The following TGFBR3 variants were observed in gnomAD, a reference collection of about 807,000 sequenced individuals.
TGFBR3 encodes the protein transforming growth factor beta receptor type 3.
TGFBR3 carries 46 observed loss-of-function variants against 87.9 expected under a neutral mutation model. The observed-to-expected ratio is 0.52, with a 90% CI of 0.41 to 0.67. The LOEUF (loss-of-function observed/expected upper bound fraction) is 0.67. Ranked by LOEUF, TGFBR3 falls within the 30% of genes least tolerant of loss-of-function variation. The pLI is 0.00. For synonymous variants in TGFBR3, 381 were observed against 391.6 expected (o/e 0.97, Z 0.32); for missense variants, 866 against 1,041.9 (o/e 0.83, Z 2.32).
At chr1:91,688,802 G>A (rs1484950371) in intron 16 of TGFBR3, among the ~76,000 whole-genome samples, 2 of 152,022 alleles carry the variant, frequency 1.3e-5, no homozygotes, top group African/African-American at 2.4e-5. Flanking sequence ...GAAGTAGCTC[G>A]GGAGGTGCCA....
chr1:91,789,545 C>G (rs994069715), intron 3 of TGFBR3, among the ~76,000 whole-genome samples: 1 of 152,236 alleles, frequency 6.6e-6, no homozygotes, highest in African/African-American at 2.4e-5. Context: ...GACCAACCTG[C>G]ATCTTGGTAG....
At chr1:91,741,524 A>G (rs1169278247) in intron 4 of TGFBR3, among the ~76,000 whole-genome samples, 4 of 152,122 alleles carry the variant, frequency 2.6e-5, no homozygotes, top group Non-Finnish European at 5.9e-5. Context: ...GATTAAGTCA[A>G]TCTCCAGCCC....
intron 2 of TGFBR3, among the ~76,000 whole-genome samples, chr1:91,809,595 A>G (rs17881988): frequency 6.6e-6 from 1 of 152,218 alleles, no homozygotes; most frequent in African/African-American, 2.4e-5. Context: ...AAATATTGTT[A>G]ATTACAGCCA....
chr1:91,830,690 C>A (rs1676826551), intron 2 of TGFBR3, among the ~76,000 whole-genome samples: 1 of 152,002 alleles, frequency 6.6e-6, no homozygotes, highest in Non-Finnish European at 1.5e-5. Context: ...GGTCCAATAC[C>A]CCACCCCTGA....
intron 4 of TGFBR3, among the ~76,000 whole-genome samples, chr1:91,741,530 A>G (rs1571462430): frequency 6.6e-6 from 1 of 152,268 alleles, no homozygotes; most frequent in Non-Finnish European, 1.5e-5. Flanking sequence ...GTCAATCTCC[A>G]GCCCTTCTCC....
chr1:91,689,672 A>T (rs1671205016), intron 16 of TGFBR3, among the ~76,000 whole-genome samples: 2 of 152,166 alleles, frequency 1.3e-5, no homozygotes, highest in Non-Finnish European at 2.9e-5. Flanking sequence ...GAACAGGAAG[A>T]AAAGAGTGAA....
intron 14 of TGFBR3, among the ~76,000 whole-genome samples, chr1:91,700,688 A>G (rs1473379299): frequency 6.6e-6 from 1 of 152,226 alleles, no homozygotes; most frequent in East Asian, 1.9e-4. Context: ...TAATTACGCT[A>G]ACTACAGAAT....
At chr1:91,708,505 T>TA (rs1232583821) in intron 14 of TGFBR3, among the ~76,000 whole-genome samples, 158 bp downstream of exon 14, 1 of 152,190 alleles carries the variant, frequency 6.6e-6, no homozygotes, top group Non-Finnish European at 1.5e-5. Flanking sequence ...GAGAACCAGC[T>TA]AAAGAAAAGA....
rs148107447 is a variant in TGFBR3 at position 91,720,736 on chromosome 1, T to C, written c.1076-506A>G. Among the ~76,000 whole-genome samples, 53 of 152,360 alleles carry C rather than the reference T, an allele frequency of 3.5e-4. No individual in the cohort carries two copies. In the East Asian group the frequency reaches 9.8e-3, roughly 28 times the overall value. ...AGAAAAATCTGTGATTTAAGTTACATGATGCAATATTATTCCATTGAAATG... is the reference window on the plus strand; with the variant it reads ...AGAAAAATCTGTGATTTAAGTTACACGATGCAATATTATTCCATTGAAATG... On this transcript the variant is annotated intron_variant, in intron 8 of 16. Coordinates refer to ENST00000212355, the MANE Select transcript of TGFBR3 (RefSeq NM_003243.5).
chr1:91,814,597 AAATTAATATT>A (rs1676150102), intron 2 of TGFBR3, among the ~76,000 whole-genome samples: 1 of 152,184 alleles, frequency 6.6e-6, no homozygotes, highest in African/African-American at 2.4e-5. Context: ...CACCAGGGAC[AAATTAATATT>A]TATAGGCTTC....
At chr1:91,789,870 C>T (rs1040729558) in intron 3 of TGFBR3, among the ~76,000 whole-genome samples, 8 of 152,194 alleles carry the variant, frequency 5.3e-5, no homozygotes, top group African/African-American at 1.2e-4. Flanking sequence ...CACCTTCACA[C>T]GACCTAGCAG....
At chr1:91,881,313 C>T (rs17885642) in intron 1 of TGFBR3, among the ~76,000 whole-genome samples, 30 of 152,316 alleles carry the variant, frequency 2.0e-4, no homozygotes, top group African/African-American at 7.0e-4. Context: ...AACAAGCACT[C>T]ACCTGACTTT....
intron 7 of TGFBR3, among the ~76,000 whole-genome samples, chr1:91,726,408 T>C (rs965923127): frequency 6.6e-6 from 1 of 152,008 alleles, no homozygotes; most frequent in Non-Finnish European, 1.5e-5. Context: ...CCTCATGCCA[T>C]GCCAGAGAAG....
At chr1:91,846,289 G>C (rs1470995115) in intron 2 of TGFBR3, among the ~76,000 whole-genome samples, 1 of 151,884 alleles carries the variant, frequency 6.6e-6, no homozygotes, top group Non-Finnish European at 1.5e-5. Context: ...ATTAATTAGT[G>C]CTTTTGAATT....
At chr1:91,881,883 TAAAAA>T (rs1255561818) in intron 1 of TGFBR3, among the ~76,000 whole-genome samples, 1 of 151,392 alleles carries the variant, frequency 6.6e-6, no homozygotes, top group African/African-American at 2.4e-5. Context: ...ACGAAAAATA[TAAAAA>T]ATTAGTCGGG....
chr1:91,820,822 AATTT>A (rs1257209539), intron 2 of TGFBR3, among the ~76,000 whole-genome samples: 11 of 152,252 alleles, frequency 7.2e-5, no homozygotes, highest in African/African-American at 2.4e-4. Flanking sequence ...AGAATGATAC[AATTT>A]ATTAACCTTC....
chr1:91,858,558 TGA>T (rs1370103666), intron 2 of TGFBR3, among the ~76,000 whole-genome samples: 1 of 126,560 alleles, frequency 7.9e-6, no homozygotes, highest in Non-Finnish European at 1.6e-5. Flanking sequence ...GAGGTTACAA[TGA>T]GCCAAGATTG....
intron 4 of TGFBR3, among the ~76,000 whole-genome samples, chr1:91,746,998 T>G (rs2100859366): frequency 6.6e-6 from 1 of 152,294 alleles, no homozygotes; most frequent in Non-Finnish European, 1.5e-5. Flanking sequence ...ATGATATTAA[T>G]CACAAAAGCT....
intron 3 of TGFBR3, among the ~76,000 whole-genome samples, chr1:91,785,427 A>C (rs1236296566): frequency 2.0e-5 from 3 of 152,260 alleles, no homozygotes; most frequent in African/African-American, 7.2e-5. Flanking sequence ...CACTGGTTGC[A>C]CATTTCTATA....
Sources: allele counts gnomAD v4.1 joint callset (sites outside exome capture counted in the v4.1 genomes callset), GRCh38; gene constraint gnomAD v4.1.1; transcripts MANE v1.5; gene names NCBI Gene and HGNC (gene_info 2026-07-23, HGNC 2026-07-21).